Variants in ANKMY1 observed in about 807,000 individuals in gnomAD.
The protein encoded by ANKMY1 is ankyrin repeat and MYND domain-containing protein 1.
A neutral mutation model predicts 102.0 loss-of-function variants in ANKMY1; 98 were observed. The observed-to-expected ratio is 0.96, with a 90% CI of 0.82 to 1.14. The LOEUF (loss-of-function observed/expected upper bound fraction) is 1.14. Among genes scored for constraint, ANKMY1 ranks in the 50% most tolerant of loss-of-function variants. The probability of loss-of-function intolerance (pLI) is 0.00; values close to 1 mark genes in which losing one functional copy is unlikely to be tolerated. For synonymous variants in ANKMY1, 582 were observed against 559.9 expected (o/e 1.04, Z -0.56); for missense variants, 1,330 against 1,347.6 (o/e 0.99, Z 0.20).
chr2:240,535,439 C>A (rs994015710), intron 4 of ANKMY1, among the ~76,000 whole-genome samples: 9 of 152,010 alleles, frequency 5.9e-5, no homozygotes, highest in African/African-American at 2.2e-4. Context: ...ATGTTTCTTA[C>A]GGGACCTAAA....
chr2:240,560,678 G>A (rs754509778), upstream of ANKMY1: 75 of 1,512,006 alleles, frequency 5.0e-5, no homozygotes, highest in South Asian at 8.5e-4. Flanking sequence ...ACTCTTCGGC[G>A]GGCGCCATGG....
chr2:240,533,891 T>A (rs564882033), intron 4 of ANKMY1, among the ~76,000 whole-genome samples: 9 of 152,160 alleles, frequency 5.9e-5, no homozygotes, highest in African/African-American at 9.6e-5. Context: ...AATACTGGAG[T>A]CCTTCCGTAT....
At chr2:240,477,902 C>T (rs1363077454), downstream of ANKMY1, among the ~76,000 whole-genome samples, 1 of 152,166 alleles carries the variant, frequency 6.6e-6, no homozygotes, top group Non-Finnish European at 1.5e-5. Context: ...ATCAGAAGGA[C>T]ACACACAAAG....
chr2:240,560,769 G>A (rs553554660), upstream of ANKMY1: 1 of 1,467,188 alleles, frequency 6.8e-7, no homozygotes, highest in Non-Finnish European at 8.9e-7. Flanking sequence ...ACTCTTCCTC[G>A]GGAGCGCGCG....
chr2:240,554,018 C>A (rs1308809939), intron 3 of ANKMY1: 1 of 152,290 alleles, frequency 6.6e-6, no homozygotes, highest in Non-Finnish European at 1.5e-5. Flanking sequence ...CACAGCCATC[C>A]ATGCTCACAG....
At chr2:240,530,661 C>T (rs1365502768) in intron 4 of ANKMY1, among the ~76,000 whole-genome samples, 1 of 152,130 alleles carries the variant, frequency 6.6e-6, no homozygotes, top group African/African-American at 2.4e-5. Context: ...CCTAATACAC[C>T]ACCCATGCTA....
In ANKMY1 at chr2:240,520,499, G is replaced by A; in HGVS notation, c.1867C>T (p.Leu623=). ...AGGTTGGGGTCCGCGCCCCGGCGCAGCAGCAGCTTGATGGTCCGCCAGCGC... is the reference window on the plus strand; with the variant it reads ...AGGTTGGGGTCCGCGCCCCGGCGCAACAGCAGCTTGATGGTCCGCCAGCGC... ...RKRWRTIKLL[L]RRGADPNLCC... is the part of the protein sequence containing the mutation. Residue 623 remains leucine, a synonymous_variant, in exon 9 of 18, where the codon CTG becomes TTG. Transcript: ENST00000401804. The surrounding 1 kb of genome is among the most constrained non-coding windows in gnomAD (Gnocchi z 4.8). The A allele has an allele frequency of 6.2e-7, 1 of 1,613,132 alleles. No homozygotes were observed.
At chr2:240,484,895 T>C (rs543895882) in intron 15 of ANKMY1, among the ~76,000 whole-genome samples, 26 of 152,220 alleles carry the variant, frequency 1.7e-4, no homozygotes, top group African/African-American at 6.0e-4. Flanking sequence ...GCAAAGTATA[T>C]GAACAGACAC....
In ANKMY1 at chr2:240,554,884, G is replaced by A; in HGVS notation, c.318C>T (p.Phe106=). 6.2e-7 allele frequency: 1 copy of A among 1,614,162 alleles called. No individual in the cohort carries two copies. Among genetic ancestry groups the A allele is most frequent in the Non-Finnish European group, 8.5e-7 (1 of 1,180,010 alleles). The change falls in exon 3 of 18, where the codon TTC becomes TTT. Residue 106 remains phenylalanine (F), a synonymous_variant. Coordinates refer to ENST00000401804, the MANE Select transcript of ANKMY1 (RefSeq NM_001282771.3). ...CAGTTACCTCGCCTGTGGGCCAAGA[G>A]AATTTGCCATATCCAAGCTTCATGT... ...GLNMKLGYGK[F]SWPTGESYHG...
In ANKMY1 at chr2:240,509,344, T is replaced by G; in HGVS notation, c.2394+4A>C. The G allele has an allele frequency of 6.2e-7, 1 of 1,610,224 alleles. No individual in the cohort carries two copies. The highest frequency in any genetic ancestry group is 8.5e-7 in the Non-Finnish European group (1 of 1,177,250). On this transcript the variant is annotated splice_donor_region_variant and intron_variant, in intron 12 of 17. Transcript: ENST00000401804. ...ACAGGTCTGTGGGTACAGAACATGC[T>G]CACCAGCTCATTCCCACTGGCAATG... is the stretch of plus-strand genomic sequence containing the variant.
At chr2:240,560,842 G>A, upstream of ANKMY1, 1 of 1,398,240 alleles carries the variant, frequency 7.2e-7, no homozygotes, top group Non-Finnish European at 9.2e-7. Flanking sequence ...AACGTCTCCC[G>A]CCAGCAGCCC....
At chr2:240,479,348 G>A (rs571828720), downstream of ANKMY1, 1 of 551,162 alleles carries the variant, frequency 1.8e-6, no homozygotes, top group South Asian at 2.3e-5. Flanking sequence ...CAAGATCAAA[G>A]CCAGGGGCAG....
intron 15 of ANKMY1, among the ~76,000 whole-genome samples, chr2:240,498,229 T>A (rs1574956528): frequency 7.8e-6 from 1 of 127,964 alleles, no homozygotes; most frequent in African/African-American, 3.0e-5. Context: ...TGTGCATGTG[T>A]AAGGCATGGG....
downstream of ANKMY1, among the ~76,000 whole-genome samples, chr2:240,477,800 A>G (rs1481389379): frequency 6.6e-6 from 1 of 152,224 alleles, no homozygotes; most frequent in East Asian, 1.9e-4. Context: ...AAAAATATTT[A>G]ATAACATAGA....
At position 240,531,524 on chromosome 2, in the gene ANKMY1, T is replaced by G. The variant is rs573769530; in HGVS notation, c.481-2015A>C. Among the ~76,000 whole-genome samples, 10 of 152,330 alleles carry G rather than the reference T, an allele frequency of 6.6e-5. No homozygotes were observed. In the South Asian group the frequency reaches 2.1e-3, roughly 32 times the overall value. On this transcript the variant is annotated intron_variant, in intron 4 of 17. Coordinates refer to ENST00000401804, the MANE Select transcript of ANKMY1 (RefSeq NM_001282771.3). ...GAACCAATAAAAATTTTGTGTTATA[T>G]CCATGCAATGGAATACTACCCCATA...
chr2:240,553,285 G>C (rs773442991), intron 3 of ANKMY1: 8 of 567,500 alleles, frequency 1.4e-5, no homozygotes, highest in Non-Finnish European at 2.5e-5. Context: ...CTTCTCCTCA[G>C]GTGGGGGACT....
chr2:240,528,097 G>A (rs1316840614), intron 5 of ANKMY1, among the ~76,000 whole-genome samples: 1 of 152,134 alleles, frequency 6.6e-6, no homozygotes, highest in Non-Finnish European at 1.5e-5. Flanking sequence ...GACCAGCCTG[G>A]CCAATATGGT....
the ANKMY1 span, among the ~76,000 whole-genome samples, chr2:240,468,739 C>A: frequency 6.6e-6 from 1 of 152,196 alleles, no homozygotes; most frequent in Admixed American, 6.5e-5. Context: ...GAATAGAGGG[C>A]CCCCTAGCAA....
upstream of ANKMY1, chr2:240,559,955 T>C (rs1391478425): frequency 6.6e-6 from 1 of 152,216 alleles, no homozygotes; most frequent in Non-Finnish European, 1.5e-5. Context: ...ATTGAAGGAG[T>C]CTTAAATGGC....
Sources: gnomAD v4.1 joint callset for allele counts (sites outside exome capture counted in the v4.1 genomes callset) on GRCh38, gnomAD v4.1.1 for gene constraint, Gnocchi (gnomAD v3.1) non-coding constraint, MANE v1.5 for transcripts, NCBI Gene and HGNC (gene_info 2026-07-23, HGNC 2026-07-21) for gene names.